PRKACB: variants seen among roughly 807,000 people sequenced by gnomAD.
PRKACB encodes protein kinase cAMP-activated catalytic subunit beta.
In PRKACB, 16 loss-of-function variants were observed where a neutral mutation model predicts 51.4. The ratio of observed to expected loss-of-function variants is 0.31; its 90% CI spans 0.21 to 0.47. The LOEUF (loss-of-function observed/expected upper bound fraction) is 0.47. Among genes scored for constraint, PRKACB ranks in the 20% least tolerant of loss-of-function variants. The pLI is 1.00. For synonymous variants in PRKACB, 147 were observed against 154.4 expected, an observed-to-expected ratio of 0.95 and a Z score of 0.35; for missense variants, 309 against 464.5, an observed-to-expected ratio of 0.67 and a Z score of 3.08.
In PRKACB at chr1:84,236,195, A is replaced by G. The variant is rs1676645504; in HGVS notation, c.*890A>G. 1 of 152,678 alleles carries G rather than the reference A, an allele frequency of 6.5e-6. No homozygotes were observed. Among genetic ancestry groups the G allele is most frequent in the South Asian group, 2.1e-4 (1 of 4,828 alleles). The allele number at this position is 152,678 out of a possible 1,614,324, so 9.5% of individuals were successfully genotyped here. On this transcript the variant is annotated 3_prime_UTR_variant, in exon 10 of 10. Coordinates refer to ENST00000370685, the MANE Select transcript of PRKACB (RefSeq NM_182948.4). ...ATAGAACATGATTAATGAAAGTGAC[A>G]AATTTTAAATTTTCTCTAATAGTCC...
chr1:84,141,248 C>T (rs570389498), upstream of PRKACB, among the ~76,000 whole-genome samples: 31 of 151,332 alleles, frequency 2.0e-4, no homozygotes, highest in African/African-American at 5.6e-4. Context: ...ACATTTAGTG[C>T]GAATTAAAGT....
chr1:84,210,299 C>T (rs1241302614), intron 8 of PRKACB, among the ~76,000 whole-genome samples: 2 of 152,074 alleles, frequency 1.3e-5, no homozygotes, highest in Non-Finnish European at 2.9e-5. Context: ...GTGTATATAT[C>T]ACAAACACCT....
chr1:84,164,395 C>T (rs749701439), intron 1 of PRKACB: 5 of 1,573,850 alleles, frequency 3.2e-6, no homozygotes, highest in Non-Finnish European at 3.5e-6. Context: ...CTGCTGTTTG[C>T]TCCTTGCCAG....
At chr1:84,169,166 C>T (rs940675961) in intron 1 of PRKACB, among the ~76,000 whole-genome samples, 1 of 151,538 alleles carries the variant, frequency 6.6e-6, no homozygotes, top group South Asian at 2.1e-4. Flanking sequence ...AGAGGTTATA[C>T]ACCATAAAAC....
intron 1 of PRKACB, among the ~76,000 whole-genome samples, chr1:84,102,173 A>G (rs150644925): frequency 0.012 from 1,750 of 151,708 alleles, 42 homozygotes; most frequent in African/African-American, 0.04. Flanking sequence ...GTTCAAGACC[A>G]GCCTGGCCAA....
At chr1:84,157,515 T>G (rs1655655269) in intron 1 of PRKACB, 1 of 152,172 alleles carries the variant, frequency 6.6e-6, no homozygotes, top group African/African-American at 2.4e-5. Context: ...TTAGAACATT[T>G]AATCACCCAC....
At chr1:84,218,227 C>T (rs1038626296) in intron 9 of PRKACB, among the ~76,000 whole-genome samples, 2 of 152,154 alleles carry the variant, frequency 1.3e-5, no homozygotes, top group Non-Finnish European at 2.9e-5. Context: ...AACCAGCCTG[C>T]TGTGCTATGA....
intron 2 of PRKACB, among the ~76,000 whole-genome samples, chr1:84,179,821 A>T (rs1281018704): frequency 6.6e-6 from 1 of 151,868 alleles, no homozygotes; most frequent in Non-Finnish European, 1.5e-5. Context: ...TTATACTTCA[A>T]GTTCTGGGTT....
chr1:84,115,960 T>C (rs1327087848), intron 1 of PRKACB, among the ~76,000 whole-genome samples: 3 of 150,144 alleles, frequency 2.0e-5, no homozygotes, highest in African/African-American at 7.3e-5. Flanking sequence ...TTTTCCTAGG[T>C]TTTCTTCTAG....
chr1:84,097,835 T>C (rs1031457128), intron 1 of PRKACB, among the ~76,000 whole-genome samples: 18 of 152,100 alleles, frequency 1.2e-4, no homozygotes, highest in Admixed American at 5.9e-4. Context: ...TTTCTCCACC[T>C]TTTTGTTATA....
intron 1 of PRKACB, among the ~76,000 whole-genome samples, chr1:84,125,715 A>G (rs993527073): frequency 2.6e-5 from 4 of 152,348 alleles, no homozygotes; most frequent in East Asian, 1.9e-4. Context: ...CCAGAAGTAT[A>G]AACTAGTTGT....
At chr1:84,131,268 T>C (rs1652164441) in intron 1 of PRKACB, among the ~76,000 whole-genome samples, 1 of 150,226 alleles carries the variant, frequency 6.7e-6, no homozygotes, top group African/African-American at 2.5e-5. Context: ...CGGTTGAACC[T>C]GGGAGGCAGG....
intron 1 of PRKACB, among the ~76,000 whole-genome samples, chr1:84,130,755 T>C (rs1380920865): frequency 6.6e-6 from 1 of 152,106 alleles, no homozygotes; most frequent in East Asian, 1.9e-4. Context: ...TCAACAGCAA[T>C]GCTGCTTTAA....
chr1:84,128,155 C>G (rs1651819481), intron 1 of PRKACB, among the ~76,000 whole-genome samples: 1 of 151,352 alleles, frequency 6.6e-6, no homozygotes, highest in Non-Finnish European at 1.5e-5. Context: ...ATTACAGGCG[C>G]CCACCACCAC....
intron 1 of PRKACB, among the ~76,000 whole-genome samples, chr1:84,095,936 T>A (rs1433788630): frequency 6.6e-6 from 1 of 152,032 alleles, no homozygotes; most frequent in East Asian, 1.9e-4. Context: ...TTATTACCAG[T>A]GTGTTTTTCT....
intron 8 of PRKACB, chr1:84,204,677 G>A (rs2101481605): frequency 4.8e-6 from 5 of 1,037,830 alleles, no homozygotes; most frequent in East Asian, 3.3e-5. Context: ...GAATGTAAAT[G>A]TTATAATAAT....
At chr1:84,111,278 A>T (rs1237784128) in intron 1 of PRKACB, among the ~76,000 whole-genome samples, 1 of 152,096 alleles carries the variant, frequency 6.6e-6, no homozygotes, top group Admixed American at 6.6e-5. Flanking sequence ...ATTGCTACTG[A>T]CTTCAACACC....
chr1:84,192,527 A>C (rs1295547267), intron 5 of PRKACB, among the ~76,000 whole-genome samples: 1 of 152,132 alleles, frequency 6.6e-6, no homozygotes, highest in Non-Finnish European at 1.5e-5. Context: ...ATGCCAAAAT[A>C]GCTGAGGATT....
intron 1 of PRKACB, among the ~76,000 whole-genome samples, chr1:84,164,128 G>A (rs1363455804): frequency 1.3e-5 from 2 of 151,940 alleles, no homozygotes; most frequent in African/African-American, 4.8e-5. Flanking sequence ...GTTATTCTAT[G>A]ATTCTCCTTT....
Sources: allele counts gnomAD v4.1 joint callset (sites outside exome capture counted in the v4.1 genomes callset), GRCh38; gene constraint gnomAD v4.1.1; transcripts MANE v1.5; gene names NCBI Gene and HGNC (gene_info 2026-07-23, HGNC 2026-07-21).